PDK1: variants seen among roughly 807,000 people sequenced by gnomAD.
PDK1 encodes the protein [Pyruvate dehydrogenase (acetyl-transferring)] kinase isozyme 1, mitochondrial.
In PDK1, 39 loss-of-function variants were observed where a neutral mutation model predicts 54.2. That is an observed-to-expected ratio of 0.72 (90% CI 0.56 to 0.94). PDK1 has a LOEUF of 0.94. Ranked by LOEUF, PDK1 falls within the 40% of genes least tolerant of loss-of-function variation. The pLI is 0.00. For synonymous variants in PDK1, 221 were observed against 207.1 expected (o/e 1.07, Z -0.58); for missense variants, 552 against 566.0 (o/e 0.98, Z 0.25).
intron 8 of PDK1, among the ~76,000 whole-genome samples, chr2:172,572,731 A>AT (rs1288598301): frequency 6.6e-6 from 1 of 152,196 alleles, no homozygotes; most frequent in Non-Finnish European, 1.5e-5. Flanking sequence ...TCTGAAAAAA[A>AT]GAAAAAAAGG....
the PDK1 span, among the ~76,000 whole-genome samples, chr2:172,683,301 C>T: frequency 7.4e-5 from 11 of 149,578 alleles, no homozygotes; most frequent in African/African-American, 2.5e-4. Flanking sequence ...GAGCTGAGAT[C>T]GCACCACTGC....
Position 172,556,104 on chromosome 2 carries a change from C to A in PDK1, c.-47C>A. ...CCTCACGTACCACTCGGCAGAGGCG[C>A]GGGGAAACCTGGCGTACTGGCTGTG... On this transcript the variant is annotated 5_prime_UTR_variant, in exon 1 of 11. Transcript: ENST00000282077. 7.6e-7 allele frequency: 1 copy of A among 1,324,168 alleles called. No homozygotes were observed. The highest frequency in any genetic ancestry group is 9.7e-7 in the Non-Finnish European group (1 of 1,032,338). The allele number at this position is 1,324,168 out of a possible 1,614,324, so 82.0% of individuals were successfully genotyped here.
the PDK1 span, among the ~76,000 whole-genome samples, chr2:172,632,991 A>AAAAAAAAAAAAAAAAAAAAAAAAAAAAC: frequency 6.8e-6 from 1 of 147,486 alleles, no homozygotes; most frequent in African/African-American, 2.6e-5. Context: ...AAAAAAAAAA[A>AAAAAAAAAAAAAAAAAAAAAAAAAAAAC]AAGGAACATA....
At chr2:172,562,746 C>G (rs1180039641) in intron 3 of PDK1, 1 of 1,567,500 alleles carries the variant, frequency 6.4e-7, no homozygotes, top group African/African-American at 1.3e-5. Context: ...CACAGAAGGC[C>G]TAGAAGAACA....
At chr2:172,654,867 G>A in the PDK1 span, among the ~76,000 whole-genome samples, 3 of 152,138 alleles carry the variant, frequency 2.0e-5, no homozygotes, top group East Asian at 1.9e-4. Flanking sequence ...CTGTAAGGAC[G>A]GTTTCACCCG....
chr2:172,616,129 T>A, the PDK1 span, among the ~76,000 whole-genome samples: 4 of 152,218 alleles, frequency 2.6e-5, no homozygotes, highest in African/African-American at 9.7e-5. Context: ...TATGAATCAT[T>A]GTGAACTCTC....
upstream of PDK1, chr2:172,555,650 T>G (rs189785341): frequency 6.6e-6 from 1 of 152,360 alleles, no homozygotes. Flanking sequence ...CACCGCGGTG[T>G]GTGCAAGCGG....
the PDK1 span, among the ~76,000 whole-genome samples, chr2:172,624,881 G>A: frequency 5.9e-5 from 9 of 151,982 alleles, no homozygotes; most frequent in African/African-American, 1.5e-4. Flanking sequence ...CCAGCTACTC[G>A]GGAGGGTGAG....
chr2:172,610,329 T>C (rs906280881), downstream of PDK1, among the ~76,000 whole-genome samples: 5 of 152,122 alleles, frequency 3.3e-5, no homozygotes. Context: ...ATCCAGTATG[T>C]TTAGGCACTG....
chr2:172,626,433 G>A, the PDK1 span, among the ~76,000 whole-genome samples: 4 of 152,184 alleles, frequency 2.6e-5, no homozygotes, highest in Non-Finnish European at 5.9e-5. Context: ...TGAAATAACT[G>A]TTCTTGTCTC....
chr2:172,664,090 T>C, the PDK1 span, among the ~76,000 whole-genome samples: 22,318 of 151,016 alleles, frequency 0.15, 2,877 homozygotes, highest in East Asian at 0.53. Flanking sequence ...GGAGGGCAGA[T>C]AATCTGAGGT....
chr2:172,667,073 A>C, the PDK1 span, among the ~76,000 whole-genome samples: 1 of 152,210 alleles, frequency 6.6e-6, no homozygotes, highest in Non-Finnish European at 1.5e-5. Flanking sequence ...CATCATTCAA[A>C]TAATGTACAT....
chr2:172,567,659 T>C (rs1689029168), intron 6 of PDK1, among the ~76,000 whole-genome samples: 1 of 152,262 alleles, frequency 6.6e-6, no homozygotes, highest in South Asian at 2.1e-4. Flanking sequence ...TTTTGAGCCA[T>C]GATGGTAGCA....
chr2:172,650,135 ATC>A, the PDK1 span, among the ~76,000 whole-genome samples: 14 of 152,354 alleles, frequency 9.2e-5, no homozygotes, highest in African/African-American at 3.4e-4. Flanking sequence ...CTAACAGCGG[ATC>A]TCTCTGCAGA....
the PDK1 span, among the ~76,000 whole-genome samples, chr2:172,688,490 C>G: frequency 1.3e-5 from 2 of 152,176 alleles, no homozygotes; most frequent in Non-Finnish European, 2.9e-5. Context: ...TCCCAAGCCC[C>G]ATCTTACTGA....
intron 8 of PDK1, among the ~76,000 whole-genome samples, chr2:172,579,909 G>A (rs887063526): frequency 5.9e-5 from 9 of 151,474 alleles, no homozygotes; most frequent in Non-Finnish European, 1.2e-4. Flanking sequence ...GTTTTTTATC[G>A]CTTCAACTTT....
chr2:172,626,653 GTGTGGTAGTGCATTCC>G, the PDK1 span, among the ~76,000 whole-genome samples: 1 of 152,166 alleles, frequency 6.6e-6, no homozygotes, highest in African/African-American at 2.4e-5. Flanking sequence ...AATTAGCCCA[GTGTGGTAGTGCATTCC>G]TGTAGTCCCA....
At chr2:172,583,787 C>A (rs1690058252) in intron 8 of PDK1, among the ~76,000 whole-genome samples, 1 of 151,780 alleles carries the variant, frequency 6.6e-6, no homozygotes, top group Non-Finnish European at 1.5e-5. Context: ...TATAAAAACT[C>A]AACTATAAGC....
intron 9 of PDK1, among the ~76,000 whole-genome samples, chr2:172,587,010 T>C (rs750863264): frequency 1.3e-5 from 2 of 152,212 alleles, no homozygotes; most frequent in Non-Finnish European, 2.9e-5. Context: ...AGAACTCTAT[T>C]CTTCTAGGCT....
Sources: gnomAD v4.1 joint callset for allele counts (sites outside exome capture counted in the v4.1 genomes callset) on GRCh38, gnomAD v4.1.1 for gene constraint, MANE v1.5 for transcripts, NCBI Gene and HGNC (gene_info 2026-07-23, HGNC 2026-07-21) for gene names.